The following OSBPL10 variants were observed in gnomAD, a reference collection of about 807,000 sequenced individuals.
OSBPL10 encodes oxysterol binding protein like 10.
In OSBPL10, 49 loss-of-function variants were observed where a neutral mutation model predicts 81.7. The ratio of observed to expected loss-of-function variants is 0.60; its 90% CI spans 0.48 to 0.76. The LOEUF (loss-of-function observed/expected upper bound fraction) is 0.76. OSBPL10 is among the 30% of genes least tolerant of loss of function. OSBPL10 has a pLI of 0.00. For synonymous variants in OSBPL10, 419 were observed against 383.6 expected (o/e 1.09, Z -1.08); for missense variants, 923 against 987.8 (o/e 0.93, Z 0.88).
chr3:31,711,404 T>C (rs994932040), intron 6 of OSBPL10, among the ~76,000 whole-genome samples: 2 of 152,228 alleles, frequency 1.3e-5, no homozygotes, highest in Non-Finnish European at 1.5e-5. Context: ...GCAGTGGCCA[T>C]GTGGTTGTCA....
chr3:31,873,084 G>A (rs975660289), intron 3 of OSBPL10, among the ~76,000 whole-genome samples: 1 of 152,170 alleles, frequency 6.6e-6, no homozygotes, highest in Admixed American at 6.5e-5. Context: ...GGGGTAACGA[G>A]GGAACCTGCT....
At chr3:31,663,180 A>G in intron 11 of OSBPL10, 1 of 985,418 alleles carries the variant, frequency 1.0e-6, no homozygotes, top group Non-Finnish European at 1.2e-6. Context: ...GGGCTAAGGA[A>G]AGCCCACAGA....
At chr3:31,789,916 C>T (rs1018557765) in intron 4 of OSBPL10, among the ~76,000 whole-genome samples, 1 of 152,074 alleles carries the variant, frequency 6.6e-6, no homozygotes, top group African/African-American at 2.4e-5. Context: ...CATTTATATA[C>T]TACTTTGATG....
intron 7 of OSBPL10, among the ~76,000 whole-genome samples, chr3:31,697,246 A>C (rs114389934): frequency 0.011 from 1,700 of 152,300 alleles, 15 homozygotes; most frequent in East Asian, 0.035. Context: ...ACACACGGAG[A>C]GGGAAAGGTC....
rs560440301 is a variant in OSBPL10, at chr3:31,953,100, T to A, written c.281+27799A>T. 1.2e-4 allele frequency among the ~76,000 whole-genome samples: 18 copies of A among 151,362 alleles called. No homozygotes were observed. In the East Asian group the frequency reaches 3.5e-3, roughly 30 times the overall value. ...GCGCCCACCACCATGCCTGGCTAAT[T>A]TTTTTGTATTTTTAGTAGAGACGGG... On this transcript the variant is annotated intron_variant, in intron 1 of 11. Transcript: ENST00000396556.
At chr3:31,710,945 A>C (rs3749401) in intron 6 of OSBPL10, 31,822 of 152,352 alleles carry the variant, frequency 0.21, 4,462 homozygotes, top group East Asian at 0.62. Context: ...CAGGTAACAA[A>C]GCACCACATT....
At chr3:31,663,785 G>A in intron 11 of OSBPL10, 1 of 1,320,242 alleles carries the variant, frequency 7.6e-7, no homozygotes. Context: ...TATCCAGTCT[G>A]CAGTCCCATC....
intron 1 of OSBPL10, among the ~76,000 whole-genome samples, chr3:31,932,851 A>T (rs1398161114): frequency 6.6e-6 from 1 of 152,116 alleles, no homozygotes; most frequent in East Asian, 1.9e-4. Context: ...AATCAAAGCA[A>T]AACAAATTCT....
chr3:31,692,910 G>T (rs1243056541), intron 7 of OSBPL10, among the ~76,000 whole-genome samples: 1 of 152,240 alleles, frequency 6.6e-6, no homozygotes, highest in Non-Finnish European at 1.5e-5. Flanking sequence ...ACTCTTTCTA[G>T]AAGTGTGGAT....
chr3:31,902,748 T>C (rs771944770), intron 1 of OSBPL10, among the ~76,000 whole-genome samples: 2 of 152,168 alleles, frequency 1.3e-5, no homozygotes, highest in Non-Finnish European at 2.9e-5. Context: ...GTATTTTCAG[T>C]AGAGACCAAG....
At chr3:31,765,240 G>A (rs1575529689) in intron 4 of OSBPL10, among the ~76,000 whole-genome samples, 1 of 151,606 alleles carries the variant, frequency 6.6e-6, no homozygotes, top group East Asian at 1.9e-4. Context: ...ATTTCACCAC[G>A]TTATCCAGGC....
At chr3:31,867,568 C>T (rs1701210508) in intron 3 of OSBPL10, among the ~76,000 whole-genome samples, 1 of 152,022 alleles carries the variant, frequency 6.6e-6, no homozygotes, top group South Asian at 2.1e-4. Context: ...ATGGTGAAAC[C>T]CTGTCTCTAC....
chr3:31,848,288 T>C (rs900275703), intron 3 of OSBPL10, among the ~76,000 whole-genome samples: 1 of 151,698 alleles, frequency 6.6e-6, no homozygotes, highest in Non-Finnish European at 1.5e-5. Context: ...TCTTCTGCTG[T>C]TACTCTCTGC....
chr3:31,847,456 T>C (rs1349063192), intron 3 of OSBPL10, among the ~76,000 whole-genome samples: 1 of 152,142 alleles, frequency 6.6e-6, no homozygotes, highest in Non-Finnish European at 1.5e-5. Flanking sequence ...CCCAAAGTGC[T>C]GGGATTACAG....
At chr3:31,792,148 G>A (rs535410600) in intron 4 of OSBPL10, among the ~76,000 whole-genome samples, 6 of 151,572 alleles carry the variant, frequency 4.0e-5, no homozygotes, top group South Asian at 4.2e-4. Flanking sequence ...TAAATCACTC[G>A]AGCTCACGCA....
At chr3:31,747,701 A>T in intron 5 of OSBPL10, among the ~76,000 whole-genome samples, 1 of 152,218 alleles carries the variant, frequency 6.6e-6, no homozygotes, top group East Asian at 1.9e-4. Context: ...TTAATGCAGA[A>T]TTACATTTTT....
chr3:32,067,700 T>A (rs1031386738), intron 1 of OSBPL10, among the ~76,000 whole-genome samples: 2 of 152,200 alleles, frequency 1.3e-5, no homozygotes, highest in African/African-American at 4.8e-5. Flanking sequence ...AGTTTCTTTG[T>A]AATTCTCCCC....
intron 4 of OSBPL10, among the ~76,000 whole-genome samples, chr3:31,770,957 GC>G (rs1183769461): frequency 2.6e-5 from 4 of 152,156 alleles, no homozygotes; most frequent in African/African-American, 9.7e-5. Context: ...AGGAGTGTAG[GC>G]TGAGGACACC....
rs537481712 is a variant in OSBPL10, at chr3:31,897,761, G to A, written c.282-17931C>T. Among the ~76,000 whole-genome samples the A allele has an allele frequency of 2.0e-5, 3 of 152,230 alleles. No individual in the cohort carries two copies. In the East Asian group the frequency reaches 5.8e-4, roughly 29 times the overall value. On this transcript the variant is annotated intron_variant, in intron 1 of 11. Coordinates refer to ENST00000396556, the MANE Select transcript of OSBPL10 (RefSeq NM_017784.5). ...ACAGTGGCTCACGCCTGTAATCCCA[G>A]CACTTTGGGAGGCTGAGGTGGGCAG...
Sources: gnomAD v4.1 joint callset for allele counts (sites outside exome capture counted in the v4.1 genomes callset) on GRCh38, gnomAD v4.1.1 for gene constraint, MANE v1.5 for transcripts, NCBI Gene and HGNC (gene_info 2026-07-23, HGNC 2026-07-21) for gene names.